Variants in AFF3 observed in about 807,000 individuals in gnomAD.
AFF3 encodes the protein ALF transcription elongation factor 3.
Under a neutral mutation model 129.7 loss-of-function variants are expected in AFF3, and 32 were observed. The observed-to-expected ratio is 0.25, with a 90% CI of 0.19 to 0.33. The LOEUF (loss-of-function observed/expected upper bound fraction) is 0.33. Ranked by LOEUF, AFF3 falls within the 10% of genes least tolerant of loss-of-function variation. The pLI is 1.00. For synonymous variants in AFF3, 644 were observed against 635.4 expected (o/e 1.01, Z -0.20); for missense variants, 1,373 against 1,592.0 (o/e 0.86, Z 2.34).
At chr2:99,947,601 A>AAGAT (rs70940190) in intron 7 of AFF3, among the ~76,000 whole-genome samples, 1,695 of 136,486 alleles carry the variant, frequency 0.012, 13 homozygotes, top group African/African-American at 0.019. Context: ...GAAAGAAAGA[A>AAGAT]AGATAGATAG....
At chr2:99,802,549 G>C (rs1686022007) in intron 8 of AFF3, among the ~76,000 whole-genome samples, 1 of 152,116 alleles carries the variant, frequency 6.6e-6, no homozygotes. Flanking sequence ...TGTAGTCCTA[G>C]CTACTCAGGA....
At chr2:99,656,940 C>T (rs955471789) in intron 12 of AFF3, among the ~76,000 whole-genome samples, 4 of 151,928 alleles carry the variant, frequency 2.6e-5, no homozygotes, top group Non-Finnish European at 5.9e-5. Context: ...ATTTATCATC[C>T]AAATAAGAAC....
intron 10 of AFF3, among the ~76,000 whole-genome samples, chr2:99,733,563 T>C (rs1680014096): frequency 6.6e-6 from 1 of 152,184 alleles, no homozygotes. Context: ...AAAAATGTTT[T>C]ATACTGTCTT....
intron 8 of AFF3, among the ~76,000 whole-genome samples, chr2:99,794,218 A>G (rs1685411007): frequency 6.6e-6 from 1 of 152,190 alleles, no homozygotes; most frequent in South Asian, 2.1e-4. Flanking sequence ...TCTTTTTCTT[A>G]CAATTTTGGA....
intron 4 of AFF3, among the ~76,000 whole-genome samples, chr2:100,033,599 A>C (rs920736980): frequency 8.5e-5 from 13 of 152,150 alleles, no homozygotes; most frequent in African/African-American, 2.9e-4. Flanking sequence ...TAATTTTGGG[A>C]AGAGGAAACA....
chr2:99,601,417 G>C lies in AFF3; in HGVS notation c.1371+18C>G. 2 of 1,583,930 alleles carry C rather than the reference G, an allele frequency of 1.3e-6. No individual in the cohort carries two copies. Among genetic ancestry groups the C allele is most frequent in the South Asian group, 1.2e-5 (1 of 86,238 alleles). ...ACAGAAGTGGGCAGAGGAGAGGCCT[G>C]AGCCAGGCAGCGCTTACCTCGGGGC... On this transcript the variant is annotated intron_variant, in intron 14 of 24. Coordinates refer to ENST00000672756, the MANE Select transcript of AFF3 (RefSeq NM_001386135.1).
chr2:100,119,303 C>A (rs1691857965), intron 2 of AFF3, among the ~76,000 whole-genome samples: 1 of 152,150 alleles, frequency 6.6e-6, no homozygotes, highest in African/African-American at 2.4e-5. Context: ...TTGTTACAGC[C>A]CTACTTTAAG....
Position 99,725,805 on chromosome 2 carries a change from CATT to C in AFF3, c.1091+1269_1091+1271del, listed in dbSNP as rs201902791. Among the ~76,000 whole-genome samples the C allele has an allele frequency of 4.3e-3, 662 of 152,220 alleles. 3 individuals are homozygous for C. The highest frequency in any genetic ancestry group is 0.015 in the African/African-American group (627 of 41,524). ...TCTTTGTCAGTCTTTAAAATAATTT[CATT>C]ATTGAGAATTTGAAAAAATTGTTTC... is the stretch of plus-strand genomic sequence containing the variant. On this transcript the variant is annotated intron_variant, in intron 11 of 24. Transcript: ENST00000672756.
At chr2:99,811,090 G>C (rs1015742817) in intron 8 of AFF3, among the ~76,000 whole-genome samples, 1 of 152,208 alleles carries the variant, frequency 6.6e-6, no homozygotes, top group African/African-American at 2.4e-5. Flanking sequence ...ATGGTCTGCG[G>C]ATTAGGACAT....
chr2:99,779,780 G>C (rs1684244142), intron 8 of AFF3, among the ~76,000 whole-genome samples: 1 of 152,118 alleles, frequency 6.6e-6, no homozygotes, highest in Admixed American at 6.6e-5. Context: ...TTCTGTTTCT[G>C]AGCACACAGT....
intron 7 of AFF3, among the ~76,000 whole-genome samples, chr2:99,945,998 T>C (rs1488239018): frequency 6.6e-6 from 1 of 152,170 alleles, no homozygotes; most frequent in African/African-American, 2.4e-5. Context: ...TTAACTAAAT[T>C]TTGACAAATA....
intron 7 of AFF3, chr2:100,006,262 C>T (rs902252622): frequency 1.2e-5 from 2 of 165,814 alleles, no homozygotes; most frequent in African/African-American, 4.8e-5. Context: ...GAAATTATAG[C>T]CTTTAAGTGC....
intron 4 of AFF3, chr2:100,011,427 T>C (rs1682537930): frequency 2.6e-6 from 2 of 779,620 alleles, no homozygotes; most frequent in Admixed American, 1.7e-5. Flanking sequence ...TCATGTAAGA[T>C]GGAGCAGGCA....
intron 12 of AFF3, among the ~76,000 whole-genome samples, chr2:99,660,650 C>T (rs1686149371): frequency 1.3e-5 from 2 of 152,208 alleles, no homozygotes; most frequent in Non-Finnish European, 2.9e-5. Flanking sequence ...AGAAGAGGTA[C>T]TCAGAGAAAT....
At position 99,601,640 on chromosome 2, in the gene AFF3, C is replaced by A; in HGVS notation, c.1185-19G>T. On this transcript the variant is annotated intron_variant, in intron 13 of 24. Coordinates refer to ENST00000672756, the MANE Select transcript of AFF3 (RefSeq NM_001386135.1). The stretch of plus-strand genomic sequence containing the variant: ...CACGGCGCTGCCAGCCCGCGAGGCC[C>A]CCGGGAAGCAGAGGGAAGGAAAGCC... 2 of 1,583,920 alleles carry A rather than the reference C, an allele frequency of 1.3e-6. No homozygotes were observed. The highest frequency in any genetic ancestry group is 1.7e-6 in the Non-Finnish European group (2 of 1,171,240).
At position 99,706,103 on chromosome 2, in the gene AFF3, A is replaced by C. The variant is rs186709610; in HGVS notation, c.1091+20974T>G. On this transcript the variant is annotated intron_variant, in intron 11 of 24. Transcript: ENST00000672756. ...AGTTTCTTCAGTGATTTAGAGGGTT[A>C]AACCAGGTTTGGGACCTCTCGAGTT... 3.3e-5 allele frequency among the ~76,000 whole-genome samples: 5 copies of C among 152,282 alleles called. No individual in the cohort carries two copies. The East Asian group carries it at 9.7e-4, about 29-fold the overall frequency.
At chr2:99,936,151 G>C (rs546212941) in intron 7 of AFF3, among the ~76,000 whole-genome samples, 1 of 152,324 alleles carries the variant, frequency 6.6e-6, no homozygotes, top group African/African-American at 2.4e-5. Context: ...TGGGGAAACA[G>C]ATTTGGGTAT....
At chr2:99,578,915 T>G (rs1333573746) in intron 17 of AFF3, among the ~76,000 whole-genome samples, 1 of 152,074 alleles carries the variant, frequency 6.6e-6, no homozygotes, top group African/African-American at 2.4e-5. Context: ...AGGGCTGGGG[T>G]GGGGACCTAG....
intron 12 of AFF3, among the ~76,000 whole-genome samples, chr2:99,670,565 C>T (rs770650007): frequency 2.0e-5 from 3 of 151,560 alleles, no homozygotes; most frequent in Non-Finnish European, 2.9e-5. Context: ...GTTCGTGCAC[C>T]GGCTATGCTG....
Sources: allele counts gnomAD v4.1 joint callset (sites outside exome capture counted in the v4.1 genomes callset), GRCh38; gene constraint gnomAD v4.1.1; transcripts MANE v1.5; gene names NCBI Gene and HGNC (gene_info 2026-07-23, HGNC 2026-07-21).